Variants in KRABD3 observed in about 807,000 individuals in gnomAD.
KRABD3 encodes KRAB domain containing 3, also known as KRAB domain-containing protein 3.
the KRABD3 span, among the ~76,000 whole-genome samples, chr7:149,718,908 T>C: frequency 6.6e-6 from 1 of 152,196 alleles, no homozygotes; most frequent in South Asian, 2.1e-4. Flanking sequence ...GAATAGGAGA[T>C]AGGAGTACAG....
the KRABD3 span, among the ~76,000 whole-genome samples, chr7:149,728,021 A>G: frequency 1.3e-5 from 2 of 152,256 alleles, no homozygotes; most frequent in African/African-American, 4.8e-5. Flanking sequence ...CAGTCCATCT[A>G]GTTCCTGTTA....
the KRABD3 span, chr7:149,726,081 G>C: frequency 6.3e-7 from 1 of 1,597,036 alleles, no homozygotes; most frequent in African/African-American, 1.3e-5. Flanking sequence ...CCAGCCCGAG[G>C]CTGGGGTTCA....
At chr7:149,730,671 C>T in the KRABD3 span, 7 of 1,386,684 alleles carry the variant, frequency 5.0e-6, no homozygotes, top group Non-Finnish European at 5.8e-6. Context: ...CTGGCTCTTG[C>T]CAGGGAGTCC....
At chr7:149,720,610 G>C in the KRABD3 span, among the ~76,000 whole-genome samples, 1 of 152,222 alleles carries the variant, frequency 6.6e-6, no homozygotes, top group Non-Finnish European at 1.5e-5. Context: ...GTAGAACAGA[G>C]GAGCCCTGTT....
At chr7:149,722,781 AG>A in the KRABD3 span, 1 of 1,597,248 alleles carries the variant, frequency 6.3e-7, no homozygotes, top group Non-Finnish European at 8.5e-7. Context: ...CATGTGCCAC[AG>A]GAATTTCTCC....
chr7:149,733,261 TCCCCCTCCGGAGCTG>T, the KRABD3 span: 3 of 1,611,900 alleles, frequency 1.9e-6, no homozygotes, highest in Non-Finnish European at 2.5e-6. Flanking sequence ...CCAGTGAGTC[TCCCCCTCCGGAGCTG>T]CCCCCTCCGG....
chr7:149,717,824 G>T, the KRABD3 span, among the ~76,000 whole-genome samples: 28 of 152,090 alleles, frequency 1.8e-4, 1 homozygote, highest in Non-Finnish European at 3.5e-4. Flanking sequence ...TAGTGGCAGG[G>T]ACAGTTTTTT....
chr7:149,730,162 C>T, the KRABD3 span: 1 of 1,538,352 alleles, frequency 6.5e-7, no homozygotes, highest in Non-Finnish European at 8.8e-7. Flanking sequence ...GCCCCCAAGC[C>T]CTCCCCGCTG....
the KRABD3 span, chr7:149,723,509 G>A: frequency 1.8e-6 from 1 of 545,004 alleles, no homozygotes; most frequent in Non-Finnish European, 3.3e-6. Flanking sequence ...TCCTCAGAGT[G>A]ATGCCACTTG....
At chr7:149,721,277 C>G in the KRABD3 span, 3 of 1,380,196 alleles carry the variant, frequency 2.2e-6, no homozygotes, top group Non-Finnish European at 1.9e-6. Flanking sequence ...TGGCTGACAT[C>G]CTGGTCATTG....
chr7:149,718,760 C>T, the KRABD3 span, among the ~76,000 whole-genome samples: 5 of 152,318 alleles, frequency 3.3e-5, no homozygotes, highest in African/African-American at 1.2e-4. Context: ...GGTGATCTGT[C>T]TGCCTTGGCC....
the KRABD3 span, among the ~76,000 whole-genome samples, chr7:149,720,581 A>G: frequency 2.0e-5 from 3 of 152,238 alleles, no homozygotes; most frequent in Non-Finnish European, 4.4e-5. Flanking sequence ...CCTGGGAGGC[A>G]TGGAGATTAA....
At chr7:149,723,222 G>A in the KRABD3 span, among the ~76,000 whole-genome samples, 1 of 152,324 alleles carries the variant, frequency 6.6e-6, no homozygotes, top group South Asian at 2.1e-4. Flanking sequence ...GAGCTGCAGA[G>A]CTCATGTGTT....
chr7:149,720,047 C>T, the KRABD3 span: 2 of 1,552,406 alleles, frequency 1.3e-6, no homozygotes, highest in South Asian at 1.2e-5. Context: ...TTCCTGTCAC[C>T]CTCAGAGCCT....
the KRABD3 span, chr7:149,721,404 C>G: frequency 6.2e-7 from 1 of 1,608,356 alleles, no homozygotes; most frequent in East Asian, 2.2e-5. Flanking sequence ...GAGCCCTGCC[C>G]TCTCCGAGGC....
At chr7:149,734,077 T>TA in the KRABD3 span, 4 of 1,567,236 alleles carry the variant, frequency 2.6e-6, no homozygotes, top group Non-Finnish European at 3.5e-6. Flanking sequence ...ATCTGCTCGT[T>TA]CTTGCCGAGG....
chr7:149,724,622 C>T, the KRABD3 span: 1 of 1,481,762 alleles, frequency 6.7e-7, no homozygotes, highest in South Asian at 1.4e-5. Context: ...AGGCCTGAAC[C>T]TTGGGCTTCC....
chr7:149,734,006 T>C, the KRABD3 span: 1 of 1,610,914 alleles, frequency 6.2e-7, no homozygotes, highest in Non-Finnish European at 8.5e-7. Flanking sequence ...GGAAGAACTG[T>C]GGGGTGGGGA....
chr7:149,730,730 A>G, the KRABD3 span: 2 of 952,244 alleles, frequency 2.1e-6, no homozygotes, highest in Non-Finnish European at 3.0e-6. Context: ...TGTGTCCGAG[A>G]AGGAGGGCGG....
Sources: allele counts gnomAD v4.1 joint callset (sites outside exome capture counted in the v4.1 genomes callset), GRCh38; gene constraint gnomAD v4.1.1; transcripts MANE v1.5; gene names NCBI Gene and HGNC (gene_info 2026-07-23, HGNC 2026-07-21).